The following TRIM24 variants were observed in gnomAD, a reference collection of about 807,000 sequenced individuals.
TRIM24 encodes the protein transcription intermediary factor 1-alpha.
A neutral mutation model predicts 123.9 loss-of-function variants in TRIM24; 29 were observed. That is an observed-to-expected ratio of 0.23 (90% CI 0.17 to 0.32). The LOEUF (loss-of-function observed/expected upper bound fraction) is 0.32, where lower values mean the gene tolerates loss of function less well. Among genes scored for constraint, TRIM24 ranks in the 10% least tolerant of loss-of-function variants. The pLI is 1.00. For synonymous variants in TRIM24, 456 were observed against 461.1 expected, an observed-to-expected ratio of 0.99 and a Z score of 0.14; for missense variants, 932 against 1,295.3, an observed-to-expected ratio of 0.72 and a Z score of 4.31.
chr7:138,467,349 G>T (rs1795165434), intron 1 of TRIM24, among the ~76,000 whole-genome samples: 2 of 44,716 alleles, frequency 4.5e-5, no homozygotes, highest in Admixed American at 1.7e-4. Flanking sequence ...GTTTTGTTTT[G>T]TTTTGTTTTT....
intron 17 of TRIM24, among the ~76,000 whole-genome samples, chr7:138,582,600 AGGGCCTGG>A (rs1250616300): frequency 6.6e-6 from 1 of 151,696 alleles, no homozygotes; most frequent in Non-Finnish European, 1.5e-5. Context: ...AGTGCTGGAA[AGGGCCTGG>A]TACCCCAAAA....
chr7:138,539,014 T>C (rs1796948479), intron 7 of TRIM24, among the ~76,000 whole-genome samples: 1 of 152,232 alleles, frequency 6.6e-6, no homozygotes, highest in African/African-American at 2.4e-5. Flanking sequence ...TTTTGTTCTT[T>C]CCAAGTATTC....
intron 7 of TRIM24, among the ~76,000 whole-genome samples, chr7:138,541,370 A>G (rs1797000195): frequency 6.6e-6 from 1 of 152,168 alleles, no homozygotes. Flanking sequence ...AGCGGGCATG[A>G]AAACAACCTT....
At chr7:138,512,700 C>G (rs1796315734) in intron 2 of TRIM24, among the ~76,000 whole-genome samples, 1 of 152,048 alleles carries the variant, frequency 6.6e-6, no homozygotes, top group Non-Finnish European at 1.5e-5. Flanking sequence ...AGCCCCTGAG[C>G]CTGGCCTGGC....
chr7:138,576,240 G>A, intron 12 of TRIM24, 133 bp from the exon 13 acceptor site: 2 of 832,598 alleles, frequency 2.4e-6, no homozygotes, highest in Non-Finnish European at 3.9e-6. Context: ...TGAAAATTCA[G>A]CAACTACTTA....
At chr7:138,488,433 T>C (rs1200741364) in intron 1 of TRIM24, among the ~76,000 whole-genome samples, 1 of 152,208 alleles carries the variant, frequency 6.6e-6, no homozygotes, top group Non-Finnish European at 1.5e-5. Flanking sequence ...CCTTTAATTG[T>C]AATGTTAGGG....
At chr7:138,533,422 G>A (rs1415988386) in intron 6 of TRIM24, among the ~76,000 whole-genome samples, 1 of 152,188 alleles carries the variant, frequency 6.6e-6, no homozygotes, top group African/African-American at 2.4e-5. Context: ...TTTTTAGCAT[G>A]AAGGGCTGTT....
chr7:138,504,444 GCTCTTTTTTTT>G (rs2116528356), intron 2 of TRIM24, 36 bp downstream of exon 2: 29 of 623,862 alleles, frequency 4.6e-5, no homozygotes, highest in Admixed American at 1.8e-4. Context: ...TTGCCTGCCA[GCTCTTTTTTTT>G]TTTTTTTTTT....
chr7:138,545,518 G>A (rs1156509996), intron 7 of TRIM24: 1 of 456,806 alleles, frequency 2.2e-6, no homozygotes, highest in Non-Finnish European at 4.4e-6. Context: ...CCAAAGATGT[G>A]TTGGATTGGA....
intron 1 of TRIM24, among the ~76,000 whole-genome samples, chr7:138,471,972 T>C (rs568220328): frequency 6.6e-6 from 1 of 152,250 alleles, no homozygotes; most frequent in South Asian, 2.1e-4. Flanking sequence ...AGCAGTGTTT[T>C]ACAGGGTCAT....
At chr7:138,487,113 G>A (rs1464496219) in intron 1 of TRIM24, among the ~76,000 whole-genome samples, 1 of 152,148 alleles carries the variant, frequency 6.6e-6, no homozygotes. Flanking sequence ...GTGAATGGGA[G>A]TTCACTCATG....
intron 7 of TRIM24, among the ~76,000 whole-genome samples, chr7:138,541,666 G>A (rs533759236): frequency 3.9e-5 from 6 of 152,164 alleles, no homozygotes; most frequent in Non-Finnish European, 8.8e-5. Context: ...AGTCCCTAAC[G>A]AGAGTCAGTC....
chr7:138,506,665 G>T (rs1353249495), intron 2 of TRIM24, among the ~76,000 whole-genome samples: 1 of 152,182 alleles, frequency 6.6e-6, no homozygotes, highest in African/African-American at 2.4e-5. Context: ...TTTTCAGTAC[G>T]TTTATGTTTA....
intron 10 of TRIM24, among the ~76,000 whole-genome samples, chr7:138,570,098 C>T (rs1366841748): frequency 6.6e-6 from 1 of 152,092 alleles, no homozygotes; most frequent in Non-Finnish European, 1.5e-5. Context: ...CAGGTGCCCA[C>T]CACCACGCCC....
intron 6 of TRIM24, among the ~76,000 whole-genome samples, chr7:138,535,992 T>C (rs111910364): frequency 0.022 from 3,310 of 152,314 alleles, 102 homozygotes; most frequent in African/African-American, 0.073. Flanking sequence ...ATACCCTTTC[T>C]TCCAGTTGAT....
At chr7:138,552,731 A>C (rs189019817) in intron 8 of TRIM24, among the ~76,000 whole-genome samples, 252 of 152,336 alleles carry the variant, frequency 1.7e-3, no homozygotes, top group African/African-American at 5.3e-3. Context: ...GAATCCCGGA[A>C]GCAAAGGTGA....
At chr7:138,520,207 G>C (rs574549219) in intron 4 of TRIM24, among the ~76,000 whole-genome samples, 1 of 152,294 alleles carries the variant, frequency 6.6e-6, no homozygotes, top group Non-Finnish European at 1.5e-5. Flanking sequence ...TAGAGTGCAA[G>C]GATCATGCAT....
At chr7:138,511,168 T>C (rs183828958) in intron 2 of TRIM24, among the ~76,000 whole-genome samples, 52 of 152,318 alleles carry the variant, frequency 3.4e-4, no homozygotes, top group African/African-American at 1.1e-3. Flanking sequence ...GATGCTGGCA[T>C]CTGCTCAGCT....
At chr7:138,498,952 A>G (rs1018420124) in intron 1 of TRIM24, among the ~76,000 whole-genome samples, 2 of 152,066 alleles carry the variant, frequency 1.3e-5, no homozygotes, top group African/African-American at 4.8e-5. Context: ...TTGTTTTTTT[A>G]AATGTCAATT....
Sources: allele counts gnomAD v4.1 joint callset (sites outside exome capture counted in the v4.1 genomes callset), GRCh38; gene constraint gnomAD v4.1.1; transcripts MANE v1.5; gene names NCBI Gene and HGNC (gene_info 2026-07-23, HGNC 2026-07-21).